The following TENM4 variants were observed in gnomAD, a reference collection of about 807,000 sequenced individuals.
TENM4 encodes the protein teneurin transmembrane protein 4, also known as teneurin-4.
TENM4 carries 82 observed loss-of-function variants against 243.3 expected under a neutral mutation model. That is an observed-to-expected ratio of 0.34 (90% CI 0.28 to 0.40). The LOEUF (loss-of-function observed/expected upper bound fraction) is 0.40. Among genes scored for constraint, TENM4 ranks in the 10% least tolerant of loss-of-function variants. The pLI, the probability that TENM4 is intolerant of heterozygous loss-of-function variation, is 1.00. For synonymous variants in TENM4, 1,412 were observed against 1,456.3 expected (o/e 0.97, Z 0.69); for missense variants, 3,138 against 3,673.3 (o/e 0.85, Z 3.77).
At chr11:79,168,509 G>A (rs992913682) in intron 3 of TENM4, among the ~76,000 whole-genome samples, 2 of 152,112 alleles carry the variant, frequency 1.3e-5, no homozygotes, top group Non-Finnish European at 2.9e-5. Context: ...GGACCACATG[G>A]ACTAAAGGGA....
intron 1 of TENM4, among the ~76,000 whole-genome samples, chr11:79,302,118 T>C (rs904277793): frequency 6.6e-6 from 1 of 152,192 alleles, no homozygotes; most frequent in Admixed American, 6.5e-5. Flanking sequence ...TGGATTACTT[T>C]CTTTAAAAAT....
At chr11:78,870,717 T>C (rs1248913255) in intron 9 of TENM4, among the ~76,000 whole-genome samples, 1 of 152,164 alleles carries the variant, frequency 6.6e-6, no homozygotes, top group Non-Finnish European at 1.5e-5. Flanking sequence ...TCAATGTTTC[T>C]TTAAATCATG....
intron 1 of TENM4, among the ~76,000 whole-genome samples, chr11:79,327,529 A>G (rs1400199282): frequency 1.3e-5 from 2 of 152,196 alleles, no homozygotes; most frequent in Admixed American, 6.5e-5. Context: ...GTTATGCAAC[A>G]CAGTGACTTA....
At chr11:79,371,275 T>G (rs1857780903) in intron 1 of TENM4, among the ~76,000 whole-genome samples, 1 of 152,196 alleles carries the variant, frequency 6.6e-6, no homozygotes, top group Admixed American at 6.5e-5. Context: ...ATGTGCTTTC[T>G]GTCCCAGGTG....
chr11:79,341,170 C>A (rs972088346), intron 1 of TENM4, among the ~76,000 whole-genome samples: 2 of 152,070 alleles, frequency 1.3e-5, no homozygotes, highest in African/African-American at 2.4e-5. Flanking sequence ...TTTACCCCAG[C>A]GAGACTGAGG....
At chr11:79,297,217 C>T (rs1456602473) in intron 2 of TENM4, among the ~76,000 whole-genome samples, 1 of 152,154 alleles carries the variant, frequency 6.6e-6, no homozygotes, top group Non-Finnish European at 1.5e-5. Context: ...CAGAGAAAGA[C>T]CCAATGTTGG....
intron 29 of TENM4, among the ~76,000 whole-genome samples, chr11:78,684,248 T>G (rs1858599860): frequency 6.6e-6 from 1 of 152,258 alleles, no homozygotes; most frequent in African/African-American, 2.4e-5. Flanking sequence ...AGGTTCCAGC[T>G]CTGTGGCTGC....
intron 6 of TENM4, among the ~76,000 whole-genome samples, chr11:78,964,677 C>T (rs1029536219): frequency 6.6e-6 from 1 of 152,154 alleles, no homozygotes; most frequent in African/African-American, 2.4e-5. Context: ...ACCTTGTCTT[C>T]AGTTCTGATA....
At chr11:78,794,767 C>T (rs1857128351) in intron 15 of TENM4, among the ~76,000 whole-genome samples, 1 of 152,098 alleles carries the variant, frequency 6.6e-6, no homozygotes, top group African/African-American at 2.4e-5. Flanking sequence ...AGGAAGTGGC[C>T]TGGTTCTGGC....
At chr11:78,744,747 T>C (rs1856008235) in intron 19 of TENM4, among the ~76,000 whole-genome samples, 1 of 152,226 alleles carries the variant, frequency 6.6e-6, no homozygotes, top group African/African-American at 2.4e-5. Context: ...TGTGCTACCA[T>C]CGCTGGTTCA....
chr11:79,026,168 C>T (rs998497385), intron 6 of TENM4, among the ~76,000 whole-genome samples: 3 of 152,114 alleles, frequency 2.0e-5, no homozygotes, highest in South Asian at 2.1e-4. Flanking sequence ...GTGGTACAGT[C>T]GATTTTGTTA....
intron 6 of TENM4, among the ~76,000 whole-genome samples, chr11:78,986,419 G>A (rs567219474): frequency 6.6e-6 from 1 of 152,296 alleles, no homozygotes; most frequent in East Asian, 1.9e-4. Flanking sequence ...GTAGCTTGGG[G>A]AGATTACATG....
At chr11:79,348,662 G>T (rs1337457330) in intron 1 of TENM4, among the ~76,000 whole-genome samples, 1 of 152,160 alleles carries the variant, frequency 6.6e-6, no homozygotes, top group African/African-American at 2.4e-5. Context: ...TCTGCAAGCT[G>T]GGGAGAAGGT....
intron 3 of TENM4, among the ~76,000 whole-genome samples, chr11:79,150,090 G>T (rs1299143859): frequency 2.0e-5 from 3 of 152,036 alleles, no homozygotes; most frequent in Non-Finnish European, 4.4e-5. Flanking sequence ...AGAACCCCAG[G>T]ATCCCTCTGA....
At chr11:78,958,464 C>T (rs1057443616) in intron 6 of TENM4, among the ~76,000 whole-genome samples, 1 of 152,188 alleles carries the variant, frequency 6.6e-6, no homozygotes, top group Non-Finnish European at 1.5e-5. Context: ...TTATATATAT[C>T]AGTGATTTCT....
rs555793487 is a variant in TENM4, at chr11:79,192,253, C to T, written c.-163+23555G>A. On this transcript the variant is annotated intron_variant, in intron 3 of 33. Coordinates refer to ENST00000278550, the MANE Select transcript of TENM4 (RefSeq NM_001098816.3). ...GAGCCCCTCTGCCCGGCCACCACCC[C>T]GTCTGGGAGGTGTACCCAACAGCTC... 4.5e-4 allele frequency among the ~76,000 whole-genome samples: 68 copies of T among 152,330 alleles called. No homozygotes were observed. The East Asian group carries it at 0.013, about 29-fold the overall frequency.
chr11:78,747,510 G>A (rs570538722), intron 19 of TENM4, among the ~76,000 whole-genome samples: 1 of 152,298 alleles, frequency 6.6e-6, no homozygotes, highest in South Asian at 2.1e-4. Context: ...GGCCTGCAGC[G>A]TTAGACCCAC....
intron 1 of TENM4, among the ~76,000 whole-genome samples, chr11:79,344,310 G>T (rs370479133): frequency 9.2e-5 from 14 of 152,262 alleles, no homozygotes; most frequent in African/African-American, 2.9e-4. Flanking sequence ...AGAGGCTGAG[G>T]GAAGATACGT....
intron 18 of TENM4, among the ~76,000 whole-genome samples, chr11:78,762,661 A>G (rs191349628): frequency 2.0e-5 from 3 of 152,324 alleles, no homozygotes; most frequent in African/African-American, 7.2e-5. Flanking sequence ...AATGGAGGCA[A>G]TCCTGTATAA....
Sources: gnomAD v4.1 joint callset for allele counts (sites outside exome capture counted in the v4.1 genomes callset) on GRCh38, gnomAD v4.1.1 for gene constraint, MANE v1.5 for transcripts, NCBI Gene and HGNC (gene_info 2026-07-23, HGNC 2026-07-21) for gene names.